NCBP3: variants seen among roughly 807,000 people sequenced by gnomAD.
The protein encoded by NCBP3 is nuclear cap-binding protein subunit 3.
NCBP3 carries 20 observed loss-of-function variants against 75.7 expected under a neutral mutation model. That is an observed-to-expected ratio of 0.26 (90% CI 0.19 to 0.38). The LOEUF (loss-of-function observed/expected upper bound fraction) is 0.38, where lower values mean the gene tolerates loss of function less well. Ranked by LOEUF, NCBP3 falls within the 10% of genes least tolerant of loss-of-function variation. The pLI, the probability that NCBP3 is intolerant of heterozygous loss-of-function variation, is 1.00. For synonymous variants in NCBP3, 293 were observed against 290.5 expected (o/e 1.01, Z -0.09); for missense variants, 678 against 796.9 (o/e 0.85, Z 1.80).
In NCBP3 at chr17:3,846,202, G is replaced by C. The variant is rs988410289; in HGVS notation, c.22C>G (p.Arg8Gly). ...GGGGCCTCCGCCTTCACCGACACCC[G>C]CAGGCCCCGTACGGCCGCCATCGCT... Reference protein sequence around the residue: MAAVRGLRVSVKAEAPAG... With the variant: MAAVRGLGVSVKAEAPAG... The change falls in exon 1 of 13, where the codon CGG becomes GGG. Residue 8 changes from arginine (R) to glycine (G), a missense_variant. Arg to Gly is a moderately radical substitution (Grantham distance 125). Coordinates refer to ENST00000389005, the MANE Select transcript of NCBP3 (RefSeq NM_001114118.3). The surrounding 1 kb of genome is among the most constrained non-coding windows in gnomAD (Gnocchi z 4.6). 2.7e-6 allele frequency: 4 copies of C among 1,482,210 alleles called. No homozygotes were observed. The highest frequency in any genetic ancestry group is 3.6e-6 in the Non-Finnish European group (4 of 1,119,586). The allele number at this position is 1,482,210 out of a possible 1,614,324, so 91.8% of individuals were successfully genotyped here. A position where few individuals can be genotyped will look rare whatever the true frequency, so the allele number is the denominator to read the frequency against.
At chr17:3,822,612 G>C (rs1307117453) in intron 7 of NCBP3, 1 of 152,190 alleles carries the variant, frequency 6.6e-6, no homozygotes, top group Non-Finnish European at 1.5e-5. Flanking sequence ...AGTAAATGTG[G>C]TAAAGATCAC....
chr17:3,816,920 G>A (rs574504923), intron 10 of NCBP3, among the ~76,000 whole-genome samples: 53 of 152,204 alleles, frequency 3.5e-4, no homozygotes, highest in Non-Finnish European at 6.3e-4. Flanking sequence ...CCAGCTCCCC[G>A]GGAGGCTGAG....
At chr17:3,837,992 ATTTT>A (rs370693601) in intron 3 of NCBP3, among the ~76,000 whole-genome samples, 2 of 128,768 alleles carry the variant, frequency 1.6e-5, no homozygotes, top group Non-Finnish European at 3.6e-5. Flanking sequence ...AAAAAAAAAA[ATTTT>A]TTTAAATTAA....
chr17:3,838,374 G>A (rs900965996), intron 3 of NCBP3, among the ~76,000 whole-genome samples: 1 of 152,274 alleles, frequency 6.6e-6, no homozygotes. Context: ...AGTTGTGAGA[G>A]AGACTCACAG....
rs1355833505 is a variant in NCBP3 at position 3,812,523 on chromosome 17, A to C, written c.*521T>G. 2 of 999,636 alleles carry C rather than the reference A, an allele frequency of 2.0e-6. No individual in the cohort carries two copies. The highest frequency in any genetic ancestry group is 2.4e-6 in the Non-Finnish European group (2 of 838,320). The allele number at this position is 999,636 out of a possible 1,614,324, so 61.9% of individuals were successfully genotyped here. A position where few individuals can be genotyped will look rare whatever the true frequency, so the allele number is the denominator to read the frequency against. On this transcript the variant is annotated 3_prime_UTR_variant, in exon 13 of 13. Transcript: ENST00000389005. The stretch of plus-strand genomic sequence containing the variant: ...GCGGCACTGGTGCACCTCTGAGGTC[A>C]GGTCCGTGAGATTCGCCCCACACTA...
intron 3 of NCBP3, among the ~76,000 whole-genome samples, chr17:3,829,933 T>C (rs939889592): frequency 1.3e-5 from 2 of 152,096 alleles, no homozygotes; most frequent in African/African-American, 2.4e-5. Context: ...AGGAGATGGG[T>C]TGACCTCACT....
rs1218056841 is a variant in NCBP3, at chr17:3,837,998, TTA to T, written c.355+2100_355+2101del. Among the ~76,000 whole-genome samples, 482 of 152,238 alleles carry T rather than the reference TTA, an allele frequency of 3.2e-3. 1 individual carries two copies. The highest frequency in any genetic ancestry group is 0.01 in the African/African-American group (417 of 41,550). On this transcript the variant is annotated intron_variant, in intron 3 of 12. Coordinates refer to ENST00000389005, the MANE Select transcript of NCBP3 (RefSeq NM_001114118.3). ...TTGTACGTTAAAAAAAAAAATTTTT[TTA>T]AATTAAAAGTTAACCCCAAAAGTGA...
At chr17:3,842,051 T>C (rs564347807) in intron 2 of NCBP3, among the ~76,000 whole-genome samples, 51 of 152,188 alleles carry the variant, frequency 3.4e-4, no homozygotes, top group African/African-American at 1.1e-3. Flanking sequence ...AGGAAAATAA[T>C]AGGCTTGACT....
intron 1 of NCBP3, 108 bp from the exon 2 acceptor site, chr17:3,843,259 T>C (rs1482561210): frequency 1.1e-6 from 1 of 869,750 alleles, no homozygotes; most frequent in Non-Finnish European, 1.8e-6. Context: ...TTTTTTTTTT[T>C]GTTGGTGACA....
At position 3,809,498 on chromosome 17, in the gene NCBP3, G is replaced by A. The variant is rs1447359842; in HGVS notation, c.*3546C>T. 1.3e-5 allele frequency: 2 copies of A among 152,234 alleles called. No individual in the cohort carries two copies. The highest frequency in any genetic ancestry group is 2.9e-5 in the Non-Finnish European group (2 of 68,056). 9.4% of individuals were successfully genotyped at this position (152,234 alleles called of 1,614,324 possible). A position where few individuals can be genotyped will look rare whatever the true frequency, so the allele number is the denominator to read the frequency against. ...AGGTGGGCAGATCACCTGAGGTCAG[G>A]AGTTCGAGACCAGCCTGACCAACAT... On this transcript the variant is annotated 3_prime_UTR_variant, in exon 13 of 13. Coordinates refer to ENST00000389005, the MANE Select transcript of NCBP3 (RefSeq NM_001114118.3).
rs920355979 is a variant in NCBP3 at position 3,813,294 on chromosome 17, T to C, written c.1628-15A>G. Reference sequence around the variant, plus strand: ...CCATAAATTACCTGTTTGGATGAGATGGCATTTCACTTTCGCAGTCAGCGC... The same window carrying C: ...CCATAAATTACCTGTTTGGATGAGACGGCATTTCACTTTCGCAGTCAGCGC... On this transcript the variant is annotated splice_polypyrimidine_tract_variant and intron_variant, in intron 12 of 12. Transcript: ENST00000389005. 60 of 1,613,186 alleles carry C rather than the reference T, an allele frequency of 3.7e-5. No homozygotes were observed. The highest frequency in any genetic ancestry group is 4.8e-5 in the Non-Finnish European group (57 of 1,179,898).
rs1200871988 is a variant in NCBP3, at chr17:3,816,249, A to G, written c.1332T>C (p.Ser444=). 1.2e-6 allele frequency: 2 copies of G among 1,614,112 alleles called. No individual in the cohort carries two copies. The highest frequency in any genetic ancestry group is 8.5e-7 in the Non-Finnish European group (1 of 1,179,992). The change falls in exon 11 of 13, where the codon AGT becomes AGC. Residue 444 remains serine, a synonymous_variant. Coordinates refer to ENST00000389005, the MANE Select transcript of NCBP3 (RefSeq NM_001114118.3). The stretch of plus-strand genomic sequence containing the variant: ...GGTTTTTGATATTGCTTGAAGATAC[A>G]CTATCTGCCCTCATGGAGTTCCTTT... ...KNIRNSMRAD[S]VSSSNIKNRI...
chr17:3,839,713 C>A (rs1356079306), intron 3 of NCBP3, among the ~76,000 whole-genome samples: 1 of 152,196 alleles, frequency 6.6e-6, no homozygotes, highest in African/African-American at 2.4e-5. Flanking sequence ...ATTGCTCTAA[C>A]TCCCCGAAAA....
chr17:3,820,737 C>T (rs922940104), intron 9 of NCBP3, among the ~76,000 whole-genome samples: 7 of 152,160 alleles, frequency 4.6e-5, no homozygotes, highest in African/African-American at 1.4e-4. Flanking sequence ...TCGAGACCAG[C>T]CTGGCCAACA....
At chr17:3,824,920 C>A in intron 7 of NCBP3, 22 bp downstream of exon 7, 1 of 1,297,122 alleles carries the variant, frequency 7.7e-7, no homozygotes, top group Non-Finnish European at 1.1e-6. Context: ...AAATATAAAA[C>A]AATACCAAAT....
chr17:3,817,415 G>A (rs1328618084), intron 10 of NCBP3, among the ~76,000 whole-genome samples: 2 of 152,092 alleles, frequency 1.3e-5, no homozygotes, highest in Non-Finnish European at 2.9e-5. Flanking sequence ...TGGATCACGA[G>A]GTCAGGAGAT....
rs140527083 is a variant in NCBP3 at position 3,820,390 on chromosome 17, G to A, written c.1000+859C>T. Among the ~76,000 whole-genome samples, 46 of 152,196 alleles carry A rather than the reference G, an allele frequency of 3.0e-4. No individual in the cohort carries two copies. In the East Asian group the frequency reaches 8.3e-3, roughly 27 times the overall value. On this transcript the variant is annotated intron_variant, in intron 9 of 12. Coordinates refer to ENST00000389005, the MANE Select transcript of NCBP3 (RefSeq NM_001114118.3). ...GTTATTTTGTATGCTGACTTGACTAGTTCTATTAGGCATGTAGAAGATTCC... is the reference window on the plus strand; with the variant it reads ...GTTATTTTGTATGCTGACTTGACTAATTCTATTAGGCATGTAGAAGATTCC...
chr17:3,824,374 A>G (rs1208446120), intron 7 of NCBP3: 2 of 151,176 alleles, frequency 1.3e-5, no homozygotes, highest in African/African-American at 2.5e-5. Context: ...ACATACACAT[A>G]CACACACATA....
chr17:3,825,255 C>T (rs901391176), intron 6 of NCBP3, among the ~76,000 whole-genome samples: 32 of 152,158 alleles, frequency 2.1e-4, no homozygotes, highest in Admixed American at 3.9e-4. Context: ...ATCCCCTACT[C>T]TTTTCACAAC....
Sources: gnomAD v4.1 joint callset for allele counts (sites outside exome capture counted in the v4.1 genomes callset) on GRCh38, gnomAD v4.1.1 for gene constraint, Gnocchi (gnomAD v3.1) non-coding constraint, MANE v1.5 for transcripts, NCBI Gene and HGNC (gene_info 2026-07-23, HGNC 2026-07-21) for gene names.